Variants in CSMD1 observed in about 807,000 individuals in gnomAD.
CSMD1 encodes the protein CUB and Sushi multiple domains 1.
A neutral mutation model predicts 417.5 loss-of-function variants in CSMD1; 213 were observed. The ratio of observed to expected loss-of-function variants is 0.51; its 90% CI spans 0.46 to 0.57. The LOEUF is 0.57. CSMD1 is among the 20% of genes least tolerant of loss of function. The probability of loss-of-function intolerance (pLI) is 0.00; values close to 1 mark genes in which losing one functional copy is unlikely to be tolerated. For missense variants in CSMD1, 6,923 were observed against 4,529.7 expected (o/e 1.53, Z -15.17); for synonymous variants, 2,862 against 1,736.8 (o/e 1.65, Z -16.11).
chr8:4,598,408 T>C (rs1330859681), intron 2 of CSMD1, among the ~76,000 whole-genome samples: 1 of 152,312 alleles, frequency 6.6e-6, no homozygotes, highest in East Asian at 1.9e-4. Context: ...CTCTGTCATA[T>C]AAGGTCATGG....
chr8:3,899,127 G>C (rs904304702), intron 5 of CSMD1, among the ~76,000 whole-genome samples: 2 of 152,300 alleles, frequency 1.3e-5, no homozygotes, highest in African/African-American at 4.8e-5. Context: ...CTGGCGCCAT[G>C]TTAGGTAACA....
At chr8:3,263,501 G>T (rs139765680) in intron 26 of CSMD1, among the ~76,000 whole-genome samples, 78 of 151,976 alleles carry the variant, frequency 5.1e-4, no homozygotes, top group African/African-American at 1.8e-3. Context: ...CTTATAATCA[G>T]TTATTGGAAA....
rs531452341 is a variant in CSMD1, at chr8:4,164,158, T to C, written c.416-132059A>G. On this transcript the variant is annotated intron_variant, in intron 3 of 69. Transcript: ENST00000635120. ...TAGTGTTCTCTTAAAATGTAATCAT[T>C]AGATTATATGAGTTTAAGGAATTAA... Among the ~76,000 whole-genome samples the C allele has an allele frequency of 3.9e-4, 59 of 151,810 alleles. 2 individuals carry two copies. The South Asian group carries it at 8.7e-3, about 22-fold the overall frequency.
At chr8:4,822,183 G>C (rs561985019) in intron 1 of CSMD1, among the ~76,000 whole-genome samples, 1 of 152,176 alleles carries the variant, frequency 6.6e-6, no homozygotes, top group South Asian at 2.1e-4. Context: ...GTGCATTCCA[G>C]CAAAGTAAAA....
chr8:3,785,519 T>A (rs768396239), intron 5 of CSMD1, among the ~76,000 whole-genome samples: 1 of 152,174 alleles, frequency 6.6e-6, no homozygotes, highest in Non-Finnish European at 1.5e-5. Context: ...GTCAAACACC[T>A]AGGTGTACTT....
chr8:4,294,355 G>A (rs534028935), intron 3 of CSMD1, among the ~76,000 whole-genome samples: 2 of 152,136 alleles, frequency 1.3e-5, no homozygotes, highest in Non-Finnish European at 2.9e-5. Flanking sequence ...CAAGATTCTA[G>A]AGACAGTATT....
intron 3 of CSMD1, among the ~76,000 whole-genome samples, chr8:4,151,432 A>G (rs1194364042): frequency 6.6e-6 from 1 of 152,208 alleles, no homozygotes; most frequent in East Asian, 1.9e-4. Flanking sequence ...ATTCTGAGAC[A>G]TTTGTAATTG....
chr8:3,097,149 T>C, intron 46 of CSMD1, 112 bp from the exon 47 acceptor site: 1 of 839,482 alleles, frequency 1.2e-6, no homozygotes, highest in Non-Finnish European at 1.8e-6. Flanking sequence ...GCAATCTTAT[T>C]GAGCTCTGGC....
rs1801552864 is a variant in CSMD1 at position 2,937,408 on chromosome 8, A to G, written c.*1177T>C. Reference sequence around the variant, plus strand: ...CTGTGGTATATTGTCTTTCAATGCAATATCAAAGATCGATGGCACAGTAAA... The same window carrying G: ...CTGTGGTATATTGTCTTTCAATGCAGTATCAAAGATCGATGGCACAGTAAA... On this transcript the variant is annotated 3_prime_UTR_variant, in exon 70 of 70. Transcript: ENST00000635120. The G allele has an allele frequency of 6.6e-6, 1 of 150,542 alleles. No homozygotes were observed. Among genetic ancestry groups the G allele is most frequent in the African/African-American group, 2.4e-5 (1 of 40,900 alleles). 9.3% of individuals were successfully genotyped at this position (150,542 alleles called of 1,614,324 possible).
intron 5 of CSMD1, among the ~76,000 whole-genome samples, chr8:3,839,480 TTATA>T (rs1190434515): frequency 8.0e-6 from 1 of 125,054 alleles, no homozygotes; most frequent in Non-Finnish European, 1.6e-5. Flanking sequence ...TATAATTATA[TTATA>T]TATTTATATA....
chr8:4,184,284 C>G (rs983057428), intron 3 of CSMD1, among the ~76,000 whole-genome samples: 2 of 152,152 alleles, frequency 1.3e-5, no homozygotes, highest in African/African-American at 4.8e-5. Context: ...TAATCTAACG[C>G]TATTCAGGAA....
At chr8:4,783,113 C>T (rs926442371) in intron 1 of CSMD1, among the ~76,000 whole-genome samples, 1 of 152,196 alleles carries the variant, frequency 6.6e-6, no homozygotes, top group Non-Finnish European at 1.5e-5. Context: ...TATTCAATCA[C>T]AGAGTTAACA....
At chr8:3,268,887 A>T (rs1376607962) in intron 26 of CSMD1, among the ~76,000 whole-genome samples, 1 of 152,158 alleles carries the variant, frequency 6.6e-6, no homozygotes, top group African/African-American at 2.4e-5. Flanking sequence ...CTGGATTCAT[A>T]TTAGCAGAAA....
intron 2 of CSMD1, among the ~76,000 whole-genome samples, chr8:4,533,495 C>T (rs2130473287): frequency 6.6e-6 from 1 of 152,282 alleles, no homozygotes; most frequent in Non-Finnish European, 1.5e-5. Context: ...TGGAGTTTAT[C>T]AACCCACTCT....
intron 3 of CSMD1, among the ~76,000 whole-genome samples, chr8:4,033,680 A>C (rs1386698824): frequency 7.2e-5 from 11 of 152,200 alleles, no homozygotes; most frequent in Non-Finnish European, 1.6e-4. Flanking sequence ...TATTTGGCTC[A>C]GAATAAATCT....
At chr8:3,468,955 A>G (rs1011285220) in intron 11 of CSMD1, 131 bp from the exon 12 acceptor site, 2 of 593,250 alleles carry the variant, frequency 3.4e-6, no homozygotes, top group African/African-American at 1.9e-5. Flanking sequence ...TCTTTCAAAG[A>G]CTGTACAGCC....
At chr8:4,367,267 G>T (rs892494853) in intron 3 of CSMD1, among the ~76,000 whole-genome samples, 1 of 152,030 alleles carries the variant, frequency 6.6e-6, no homozygotes, top group African/African-American at 2.4e-5. Context: ...AGCCGGGCCA[G>T]ACTGCATGAG....
intron 3 of CSMD1, among the ~76,000 whole-genome samples, chr8:4,097,035 T>G (rs1249756586): frequency 6.6e-6 from 1 of 152,248 alleles, no homozygotes; most frequent in Non-Finnish European, 1.5e-5. Context: ...CATCTTTTTT[T>G]AATTAACTGA....
At chr8:2,987,159 T>G (rs934927483) in intron 54 of CSMD1, among the ~76,000 whole-genome samples, 1 of 152,060 alleles carries the variant, frequency 6.6e-6, no homozygotes, top group African/African-American at 2.4e-5. Context: ...ACAGCTTATA[T>G]TAAGGGCATT....
Sources: allele counts gnomAD v4.1 joint callset (sites outside exome capture counted in the v4.1 genomes callset), GRCh38; gene constraint gnomAD v4.1.1; transcripts MANE v1.5; gene names NCBI Gene and HGNC (gene_info 2026-07-23, HGNC 2026-07-21).